The following RBFOX1 variants were observed in gnomAD, a reference collection of about 807,000 sequenced individuals.
RBFOX1 encodes RNA binding protein fox-1 homolog 1.
RBFOX1 carries 8 observed loss-of-function variants against 57.7 expected under a neutral mutation model. The ratio of observed to expected loss-of-function variants is 0.14; its 90% CI spans 0.08 to 0.25. The LOEUF is 0.25. Ranked by LOEUF, RBFOX1 falls within the 10% of genes least tolerant of loss-of-function variation. The probability of loss-of-function intolerance (pLI) is 1.00; values close to 1 mark genes in which losing one functional copy is unlikely to be tolerated. For synonymous variants in RBFOX1, 326 were observed against 222.4 expected (o/e 1.47, Z -4.15); for missense variants, 611 against 548.5 (o/e 1.11, Z -1.14).
intron 3 of RBFOX1, among the ~76,000 whole-genome samples, chr16:6,770,012 C>G (rs1002793274): frequency 6.6e-6 from 1 of 152,010 alleles, no homozygotes; most frequent in Admixed American, 6.6e-5. Flanking sequence ...AAAGGAACAC[C>G]TCTATTCTCA....
At chr16:7,624,047 C>T (rs896841296) in intron 10 of RBFOX1, among the ~76,000 whole-genome samples, 3 of 152,120 alleles carry the variant, frequency 2.0e-5, no homozygotes, top group African/African-American at 7.2e-5. Flanking sequence ...ACCCAAATAG[C>T]TTGTTTTTCA....
At chr16:6,785,951 C>G (rs755872511) in intron 3 of RBFOX1, among the ~76,000 whole-genome samples, 1 of 152,212 alleles carries the variant, frequency 6.6e-6, no homozygotes, top group Admixed American at 6.5e-5. Flanking sequence ...CATGTGACTT[C>G]CCAGGTGGCA....
At chr16:7,654,147 A>ATGGT (rs2065764078) in intron 12 of RBFOX1, among the ~76,000 whole-genome samples, 200 bp downstream of exon 12, 1 of 152,094 alleles carries the variant, frequency 6.6e-6, no homozygotes, top group Non-Finnish European at 1.5e-5. Flanking sequence ...TTGTCCTGTC[A>ATGGT]TGGTTGGTGC....
At chr16:5,491,027 C>A (rs1007886670) in intron 2 of RBFOX1, among the ~76,000 whole-genome samples, 1 of 152,028 alleles carries the variant, frequency 6.6e-6, no homozygotes, top group African/African-American at 2.4e-5. Context: ...CAGTCATCTC[C>A]CCGATTTGAT....
chr16:5,882,643 C>T (rs2057790917), intron 4 of RBFOX1, among the ~76,000 whole-genome samples: 1 of 152,216 alleles, frequency 6.6e-6, no homozygotes, highest in Non-Finnish European at 1.5e-5. Flanking sequence ...GACACTCTCA[C>T]AGTAGCCAAG....
chr16:6,693,089 AACC>A (rs893555146), intron 3 of RBFOX1, among the ~76,000 whole-genome samples: 4 of 78,820 alleles, frequency 5.1e-5, no homozygotes, highest in Non-Finnish European at 1.3e-4. Flanking sequence ...CTACCATCAC[AACC>A]ATCATCATCA....
chr16:5,656,534 T>C (rs537942928), intron 3 of RBFOX1, among the ~76,000 whole-genome samples: 29 of 152,164 alleles, frequency 1.9e-4, no homozygotes, highest in Non-Finnish European at 3.7e-4. Context: ...TGTGAAACCA[T>C]CACCACATCT....
rs1000009627 is a variant in RBFOX1, at chr16:7,155,504, G to C, written c.27+103406G>C. On this transcript the variant is annotated intron_variant, in intron 4 of 15. Coordinates refer to ENST00000550418, the MANE Select transcript of RBFOX1 (RefSeq NM_018723.4). Reference sequence around the variant, plus strand: ...TCAGCTCCTTGGGAGGCTAAAATGGGAGGATTGCTTGAGCTCGGGAGTTGT... The same window carrying C: ...TCAGCTCCTTGGGAGGCTAAAATGGCAGGATTGCTTGAGCTCGGGAGTTGT... 2.0e-5 allele frequency among the ~76,000 whole-genome samples: 3 copies of C among 151,344 alleles called. 1 individual carries two copies. The highest frequency in any genetic ancestry group is 7.3e-5 in the African/African-American group (3 of 41,072).
chr16:7,596,666 G>T (rs551453166), intron 8 of RBFOX1, among the ~76,000 whole-genome samples: 1 of 151,942 alleles, frequency 6.6e-6, no homozygotes, highest in Admixed American at 6.6e-5. Context: ...ATATTGGTAC[G>T]CCTGTAATTG....
intron 1 of RBFOX1, among the ~76,000 whole-genome samples, chr16:5,457,566 G>C (rs911396949): frequency 1.3e-5 from 2 of 152,136 alleles, no homozygotes; most frequent in Non-Finnish European, 2.9e-5. Context: ...AGGAATTTTG[G>C]GGCCACACAG....
chr16:7,180,495 G>C (rs969521048), intron 4 of RBFOX1, among the ~76,000 whole-genome samples: 2 of 152,116 alleles, frequency 1.3e-5, no homozygotes, highest in African/African-American at 4.8e-5. Context: ...TTATGCACTA[G>C]TATTCATTTA....
chr16:7,609,545 A>G (rs12596889), intron 10 of RBFOX1, among the ~76,000 whole-genome samples: 120,643 of 152,064 alleles, frequency 0.79, 48,487 homozygotes, highest in Non-Finnish European at 0.83. Flanking sequence ...TAGATCATTA[A>G]GTTAGAGGAA....
At chr16:7,296,292 A>G (rs1205831319) in intron 4 of RBFOX1, among the ~76,000 whole-genome samples, 4 of 147,742 alleles carry the variant, frequency 2.7e-5, no homozygotes, top group Non-Finnish European at 6.0e-5. Flanking sequence ...TTCGTGTAAA[A>G]TGCTGTTTCT....
upstream of RBFOX1, among the ~76,000 whole-genome samples, chr16:6,016,132 A>C (rs987523861): frequency 2.0e-5 from 3 of 152,238 alleles, no homozygotes; most frequent in African/African-American, 7.2e-5. Flanking sequence ...TCAGGGAACA[A>C]ATCTTTGATG....
intron 1 of RBFOX1, among the ~76,000 whole-genome samples, chr16:5,317,478 G>A (rs145428789): frequency 2.0e-3 from 303 of 152,262 alleles, no homozygotes; most frequent in African/African-American, 6.7e-3. Flanking sequence ...GCGTGGTGGC[G>A]CACGCCTGCA....
At chr16:7,374,495 T>A (rs1195693136) in intron 4 of RBFOX1, among the ~76,000 whole-genome samples, 2 of 152,178 alleles carry the variant, frequency 1.3e-5, no homozygotes, top group Non-Finnish European at 2.9e-5. Flanking sequence ...GACTCTAGCC[T>A]TAAGCCAATA....
At chr16:5,622,769 T>C (rs2048236760) in intron 3 of RBFOX1, among the ~76,000 whole-genome samples, 2 of 152,236 alleles carry the variant, frequency 1.3e-5, no homozygotes, top group Non-Finnish European at 2.9e-5. Flanking sequence ...ATGTTTACTG[T>C]TGGCCCTCCA....
chr16:5,355,006 TATGA>T lies in RBFOX1; in HGVS notation c.220-112209_220-112206del, dbSNP rs766205975. On this transcript the variant is annotated intron_variant, in intron 1 of 2. Transcript: ENST00000585867. ...AGGGGTGAAGGGATGTGTATGTGTA[TATGA>T]GAGAGAGAGAGGGACAGAGATACAG... 1.6e-4 allele frequency among the ~76,000 whole-genome samples: 13 copies of T among 80,416 alleles called. No homozygotes were observed. The East Asian group carries it at 0.11, about 687-fold the overall frequency. The allele number at this position is 80,416 out of a possible 152,430, so 52.8% of individuals were successfully genotyped here.
At chr16:5,878,440 C>T (rs907483837) in intron 4 of RBFOX1, among the ~76,000 whole-genome samples, 4 of 152,130 alleles carry the variant, frequency 2.6e-5, no homozygotes, top group Admixed American at 2.0e-4. Flanking sequence ...CCACTCAGGG[C>T]CATATGGCTA....
Sources: gnomAD v4.1 joint callset for allele counts (sites outside exome capture counted in the v4.1 genomes callset) on GRCh38, gnomAD v4.1.1 for gene constraint, MANE v1.5 for transcripts, NCBI Gene and HGNC (gene_info 2026-07-23, HGNC 2026-07-21) for gene names.